The following PTPRD variants were observed in gnomAD, a reference collection of about 807,000 sequenced individuals.
PTPRD encodes receptor-type tyrosine-protein phosphatase delta.
In PTPRD, 34 loss-of-function variants were observed where a neutral mutation model predicts 214.5. That is an observed-to-expected ratio of 0.16 (90% CI 0.12 to 0.21). The LOEUF (loss-of-function observed/expected upper bound fraction) is 0.21, where lower values mean the gene tolerates loss of function less well. Ranked by LOEUF, PTPRD falls within the 10% of genes least tolerant of loss-of-function variation. The pLI, the probability that PTPRD is intolerant of heterozygous loss-of-function variation, is 1.00. For synonymous variants in PTPRD, 1,128 were observed against 845.7 expected, an observed-to-expected ratio of 1.33 and a Z score of -5.79; for missense variants, 2,545 against 2,398.7, an observed-to-expected ratio of 1.06 and a Z score of -1.27.
chr9:10,112,786 CAT>C (rs1163268753), intron 3 of PTPRD, among the ~76,000 whole-genome samples: 2 of 152,232 alleles, frequency 1.3e-5, no homozygotes, highest in Non-Finnish European at 2.9e-5. Flanking sequence ...GATTTTTATA[CAT>C]GTTTCCCCTT....
chr9:9,135,845 C>A (rs1365792548), intron 10 of PTPRD, among the ~76,000 whole-genome samples: 1 of 150,990 alleles, frequency 6.6e-6, no homozygotes, highest in Admixed American at 6.6e-5. Flanking sequence ...GAAAAAAACC[C>A]CACAGTTTTC....
chr9:10,495,313 G>A (rs1415602929), intron 2 of PTPRD, among the ~76,000 whole-genome samples: 1 of 151,720 alleles, frequency 6.6e-6, no homozygotes, highest in African/African-American at 2.4e-5. Context: ...TCAGACTTGA[G>A]AGACATAAGG....
chr9:9,569,310 G>A (rs571332384), intron 8 of PTPRD, among the ~76,000 whole-genome samples: 116 of 151,738 alleles, frequency 7.6e-4, no homozygotes, highest in African/African-American at 2.7e-3. Flanking sequence ...GGGAAGAACT[G>A]AGCCACAAAG....
intron 2 of PTPRD, among the ~76,000 whole-genome samples, chr9:10,507,350 T>A (rs1471580225): frequency 6.6e-6 from 1 of 152,020 alleles, no homozygotes; most frequent in Non-Finnish European, 1.5e-5. Flanking sequence ...GAAGAATCAA[T>A]ATCATGAAAA....
chr9:9,554,310 A>T (rs1475816826), intron 8 of PTPRD, among the ~76,000 whole-genome samples: 1 of 152,098 alleles, frequency 6.6e-6, no homozygotes, highest in Non-Finnish European at 1.5e-5. Context: ...TGAATGTCTG[A>T]CTAATGGATA....
chr9:8,538,845 T>A (rs562848384), intron 14 of PTPRD, among the ~76,000 whole-genome samples: 5 of 151,896 alleles, frequency 3.3e-5, no homozygotes, highest in African/African-American at 1.2e-4. Flanking sequence ...AATACCATTC[T>A]CCAGTTGAAA....
At chr9:9,123,256 C>T (rs1053732371) in intron 10 of PTPRD, among the ~76,000 whole-genome samples, 1 of 152,196 alleles carries the variant, frequency 6.6e-6, no homozygotes, top group African/African-American at 2.4e-5. Flanking sequence ...TACAAAAATG[C>T]AATTCTGGTA....
At chr9:9,974,966 G>A (rs555023104) in intron 4 of PTPRD, among the ~76,000 whole-genome samples, 29 of 152,094 alleles carry the variant, frequency 1.9e-4, no homozygotes, top group African/African-American at 3.6e-4. Flanking sequence ...GAAAACTGGC[G>A]AAGAATCTGA....
intron 12 of PTPRD, among the ~76,000 whole-genome samples, chr9:8,690,259 G>A (rs1033649213): frequency 6.6e-6 from 1 of 152,068 alleles, no homozygotes; most frequent in East Asian, 1.9e-4. Flanking sequence ...CGGGTGCGGA[G>A]GCTTGTGTCT....
chr9:9,934,888 G>C (rs1200636809), intron 5 of PTPRD, among the ~76,000 whole-genome samples: 2 of 152,094 alleles, frequency 1.3e-5, no homozygotes, highest in Non-Finnish European at 2.9e-5. Flanking sequence ...ATGATCAAGA[G>C]GGCTTCATCC....
intron 35 of PTPRD, among the ~76,000 whole-genome samples, chr9:8,405,382 T>C (rs1002143902): frequency 3.2e-4 from 48 of 152,114 alleles, no homozygotes; most frequent in Non-Finnish European, 4.4e-4. Context: ...TTATTCTTGA[T>C]TTTAACATTA....
chr9:8,515,445 A>G (rs897356356), intron 21 of PTPRD, among the ~76,000 whole-genome samples: 3 of 152,168 alleles, frequency 2.0e-5, no homozygotes, highest in Admixed American at 6.6e-5. Context: ...ATTGCATCCC[A>G]CAAAAATCCA....
At chr9:8,788,238 G>A (rs12351221) in intron 11 of PTPRD, among the ~76,000 whole-genome samples, 2 of 145,704 alleles carry the variant, frequency 1.4e-5, no homozygotes, top group Non-Finnish European at 1.5e-5. Context: ...AAATATTTTT[G>A]GTTCATATAA....
rs147384492 is a variant in PTPRD at position 9,222,042 on chromosome 9, C to T, written c.-202-38679G>A. On this transcript the variant is annotated intron_variant, in intron 9 of 45. Coordinates refer to ENST00000381196, the MANE Select transcript of PTPRD (RefSeq NM_002839.4). ...AATAAAAGCAAGGGTTAATTTTGTC[C>T]ATTGTGTTGGAACCTTCTTCCACAA... Among the ~76,000 whole-genome samples the T allele has an allele frequency of 2.0e-5, 3 of 152,112 alleles. No homozygotes were observed. The East Asian group carries it at 5.8e-4, about 29-fold the overall frequency.
chr9:9,701,419 T>C (rs372385305), intron 7 of PTPRD, among the ~76,000 whole-genome samples: 3 of 152,138 alleles, frequency 2.0e-5, no homozygotes, highest in African/African-American at 7.2e-5. Flanking sequence ...GATAGAAACA[T>C]AGGGGAACAA....
chr9:10,062,972 T>C (rs396845), intron 3 of PTPRD, among the ~76,000 whole-genome samples: 1 of 151,928 alleles, frequency 6.6e-6, no homozygotes, highest in Non-Finnish European at 1.5e-5. Context: ...TGAGAACATT[T>C]TATTGCCCTA....
In PTPRD at chr9:8,714,641, G is replaced by A. The variant is rs547093082; in HGVS notation, c.64+19139C>T. Among the ~76,000 whole-genome samples the A allele has an allele frequency of 2.6e-5, 4 of 152,208 alleles. No homozygotes were observed. The South Asian group carries it at 6.2e-4, about 24-fold the overall frequency. ...CTGCCCTAGGGTCTTTGGACTGGCT[G>A]TTTTCCTGGCCTGGAATACTCCTCC... is the stretch of plus-strand genomic sequence containing the variant. On this transcript the variant is annotated intron_variant, in intron 12 of 45. Coordinates refer to ENST00000381196, the MANE Select transcript of PTPRD (RefSeq NM_002839.4).
intron 2 of PTPRD, among the ~76,000 whole-genome samples, chr9:10,361,472 G>A (rs1430914266): frequency 1.3e-5 from 2 of 152,130 alleles, no homozygotes; most frequent in African/African-American, 4.8e-5. Flanking sequence ...GAGTAGCAGA[G>A]TGGACAGTTG....
intron 10 of PTPRD, among the ~76,000 whole-genome samples, chr9:9,141,779 ATATAT>A (rs1230527129): frequency 6.6e-6 from 1 of 151,260 alleles, no homozygotes; most frequent in African/African-American, 2.4e-5. Flanking sequence ...AAACATATTC[ATATAT>A]TATATATCTC....
Sources: gnomAD v4.1 joint callset for allele counts (sites outside exome capture counted in the v4.1 genomes callset) on GRCh38, gnomAD v4.1.1 for gene constraint, MANE v1.5 for transcripts, NCBI Gene and HGNC (gene_info 2026-07-23, HGNC 2026-07-21) for gene names.